Variants in RUFY3 observed in about 807,000 individuals in gnomAD.
RUFY3 encodes the protein protein RUFY3.
In RUFY3, 34 loss-of-function variants were observed where a neutral mutation model predicts 84.0. That is an observed-to-expected ratio of 0.40 (90% confidence interval 0.31 to 0.54). The LOEUF (loss-of-function observed/expected upper bound fraction) is 0.54. RUFY3 is among the 20% of genes least tolerant of loss of function. The pLI, the probability that RUFY3 is intolerant of heterozygous loss-of-function variation, is 0.39. For synonymous variants in RUFY3, 242 were observed against 252.9 expected (o/e 0.96, Z 0.41); for missense variants, 507 against 736.8 (o/e 0.69, Z 3.61).
intron 16 of RUFY3, among the ~76,000 whole-genome samples, chr4:70,803,345 CTAATAG>C (rs1732471112): frequency 6.6e-6 from 1 of 152,028 alleles, no homozygotes; most frequent in Non-Finnish European, 1.5e-5. Context: ...CTTTGTTAAT[CTAATAG>C]TATATGATAA....
intron 17 of RUFY3, 52 bp downstream of exon 17, chr4:70,804,468 C>T: frequency 1.4e-6 from 2 of 1,473,394 alleles, no homozygotes; most frequent in Non-Finnish European, 1.9e-6. Context: ...CTACAGCAGC[C>T]CCCAGTCCCT....
rs1018235659 is a variant in RUFY3 at position 70,791,647 on chromosome 4, C to G, written c.1337+2055C>G. On this transcript the variant is annotated intron_variant, in intron 12 of 17. Transcript: ENST00000381006. ...CTAATGATGCCTTTACAACCCAGTC[C>G]TTGATAATACCAGATTCTCGGTGCA... 2.8e-5 allele frequency: 29 copies of G among 1,036,926 alleles called. No homozygotes were observed. The African/African-American group carries it at 5.0e-4, about 18-fold the overall frequency. The allele number at this position is 1,036,926 out of a possible 1,614,324, so 64.2% of individuals were successfully genotyped here.
chr4:70,707,622 G>C (rs1427921677), intron 1 of RUFY3, among the ~76,000 whole-genome samples: 1 of 151,454 alleles, frequency 6.6e-6, no homozygotes, highest in Non-Finnish European at 1.5e-5. Flanking sequence ...TTATTGATGT[G>C]TATGTGTTCA....
exon 1 of RUFY3, chr4:70,704,824 TGGCGGC>T: frequency 4.5e-6 from 3 of 664,694 alleles, no homozygotes; most frequent in Non-Finnish European, 4.2e-6. Flanking sequence ...AAGGTGGCGG[TGGCGGC>T]GGCGGCGCAG....
chr4:70,777,875 C>A (rs528174049), intron 7 of RUFY3, among the ~76,000 whole-genome samples: 2 of 152,180 alleles, frequency 1.3e-5, no homozygotes, highest in South Asian at 4.2e-4. Flanking sequence ...TGAATAAATA[C>A]TTACTGAATT....
chr4:70,791,185 C>T (rs867754897), intron 12 of RUFY3: 4 of 1,548,054 alleles, frequency 2.6e-6, no homozygotes, highest in Middle Eastern at 1.8e-4. Flanking sequence ...TCCATTTTCT[C>T]ATTCTCCTTT....
chr4:70,764,805 G>C (rs1725572033), intron 4 of RUFY3, among the ~76,000 whole-genome samples: 1 of 152,174 alleles, frequency 6.6e-6, no homozygotes, highest in African/African-American at 2.4e-5. Flanking sequence ...GGCAGGCCAA[G>C]ACTTACCTCT....
In RUFY3 at chr4:70,793,770, G is replaced by A; in HGVS notation, c.1338-15G>A. The stretch of plus-strand genomic sequence containing the variant: ...CTTTTGTTTTTTATCACAAGTTCAT[G>A]TGGCTCACATCCAGATTGCGCCAGG... On this transcript the variant is annotated splice_polypyrimidine_tract_variant and intron_variant, in intron 12 of 17. Coordinates refer to ENST00000381006, the MANE Select transcript of RUFY3 (RefSeq NM_001037442.4). 1 of 1,613,826 alleles carries A rather than the reference G, an allele frequency of 6.2e-7. No individual in the cohort carries two copies. Among genetic ancestry groups the A allele is most frequent in the Non-Finnish European group, 8.5e-7 (1 of 1,179,882 alleles).
chr4:70,736,152 C>CAAAAA (rs1020403164), intron 1 of RUFY3, among the ~76,000 whole-genome samples: 11 of 60,772 alleles, frequency 1.8e-4, no homozygotes, highest in Non-Finnish European at 1.3e-4. Context: ...GACCCTGTCT[C>CAAAAA]AAAAAAAAAA....
intron 10 of RUFY3, among the ~76,000 whole-genome samples, chr4:70,785,611 G>A (rs1169692377): frequency 1.3e-5 from 2 of 151,466 alleles, no homozygotes; most frequent in Non-Finnish European, 2.9e-5. Context: ...GATGGATCAC[G>A]TAAGGTCGGG....
At chr4:70,717,923 C>T (rs2078686257), upstream of RUFY3, among the ~76,000 whole-genome samples, 5 of 132,660 alleles carry the variant, frequency 3.8e-5, 1 homozygote, top group South Asian at 1.2e-3. Flanking sequence ...TACACTGTTG[C>T]CCAGGCTGGA....
rs1733034918 is a variant in RUFY3, at chr4:70,808,419, C to T, written c.*1760C>T. Among the ~76,000 whole-genome samples, 1 of 152,068 alleles carries T rather than the reference C, an allele frequency of 6.6e-6. No homozygotes were observed. Among genetic ancestry groups the T allele is most frequent in the African/African-American group, 2.4e-5 (1 of 41,390 alleles). On this transcript the variant is annotated 3_prime_UTR_variant, in exon 18 of 18. Coordinates refer to ENST00000381006, the MANE Select transcript of RUFY3 (RefSeq NM_001037442.4). ...TAGATTGTTTCATTCTAATCAAGAC[C>T]TAAGAAGGTATGATTCTGTGACTGA...
At chr4:70,799,077 A>G (rs1263635191) in intron 14 of RUFY3, among the ~76,000 whole-genome samples, 3 of 150,426 alleles carry the variant, frequency 2.0e-5, no homozygotes, top group Non-Finnish European at 3.0e-5. Flanking sequence ...ACCAGGAGGC[A>G]GAGGCTGCAG....
chr4:70,788,851 A>G lies in RUFY3; in HGVS notation c.1117A>G (p.Met373Val). 1 of 1,614,160 alleles carries G rather than the reference A, an allele frequency of 6.2e-7. No individual in the cohort carries two copies. Among genetic ancestry groups the G allele is most frequent in the Non-Finnish European group, 8.5e-7 (1 of 1,180,034 alleles). ...LEMQISMRQE[M>V]ELAMKMLEKD... ...GATGCAGATCAGCATGAGGCAGGAGATGGAATTGGCTATGAAGATGCTGGA... is the reference window on the plus strand; with the variant it reads ...GATGCAGATCAGCATGAGGCAGGAGGTGGAATTGGCTATGAAGATGCTGGA... The change falls in exon 11 of 18, where the codon ATG becomes GTG. Residue 373 changes from methionine to valine, a missense_variant. By Grantham distance (21) the Met-to-Val change is conservative (BLOSUM62 1). Transcript: ENST00000381006.
At chr4:70,792,833 C>G (rs752565326) in intron 12 of RUFY3, 87 of 985,216 alleles carry the variant, frequency 8.8e-5, no homozygotes, top group East Asian at 1.1e-4. Flanking sequence ...GTGGAAGATC[C>G]TGTGCTCTTG....
At position 70,770,888 on chromosome 4, in the gene RUFY3, C is replaced by T. The variant is rs577230871; in HGVS notation, c.696+2227C>T. 2.4e-4 allele frequency among the ~76,000 whole-genome samples: 36 copies of T among 152,196 alleles called. 1 individual carries two copies. The highest frequency in any genetic ancestry group is 7.2e-4 in the Admixed American group (11 of 15,286). Reference sequence around the variant, plus strand: ...TGTGCAATTCTTCCTTTCACTTGAACACTTAGTGGCCATTGCAGGGTTATT... The same window carrying T: ...TGTGCAATTCTTCCTTTCACTTGAATACTTAGTGGCCATTGCAGGGTTATT... On this transcript the variant is annotated intron_variant, in intron 5 of 17. Transcript: ENST00000381006.
chr4:70,770,920 C>T (rs2148729748), intron 5 of RUFY3, among the ~76,000 whole-genome samples: 1 of 152,054 alleles, frequency 6.6e-6, no homozygotes, highest in South Asian at 2.1e-4. Context: ...TATTAATTGG[C>T]CTAATTTCAG....
chr4:70,784,683 A>G, intron 9 of RUFY3, 113 bp from the exon 10 acceptor site: 1 of 553,778 alleles, frequency 1.8e-6, no homozygotes, highest in Non-Finnish European at 2.9e-6. Flanking sequence ...GTGTTTGTTC[A>G]TTATTATACC....
intron 1 of RUFY3, among the ~76,000 whole-genome samples, chr4:70,713,911 T>C (rs1291818588): frequency 6.6e-6 from 1 of 152,230 alleles, no homozygotes; most frequent in Non-Finnish European, 1.5e-5. Flanking sequence ...ACGTTTATCC[T>C]TACTGACTTT....
Sources: gnomAD v4.1 joint callset for allele counts (sites outside exome capture counted in the v4.1 genomes callset) on GRCh38, gnomAD v4.1.1 for gene constraint, MANE v1.5 for transcripts, NCBI Gene and HGNC (gene_info 2026-07-23, HGNC 2026-07-21) for gene names.